Variants in HSP90B1 observed in about 807,000 individuals in gnomAD.
The protein encoded by HSP90B1 is endoplasmin.
HSP90B1 carries 27 observed loss-of-function variants against 100.4 expected under a neutral mutation model. The observed-to-expected ratio is 0.27, with a 90% CI of 0.20 to 0.37. HSP90B1 has a LOEUF of 0.37. HSP90B1 is among the 10% of genes least tolerant of loss of function. The pLI is 1.00. For synonymous variants in HSP90B1, 304 were observed against 330.8 expected (o/e 0.92, Z 0.88); for missense variants, 678 against 960.5 (o/e 0.71, Z 3.89).
intron 11 of HSP90B1, 74 bp from the exon 12 acceptor site, chr12:103,942,453 C>G: frequency 1.4e-6 from 2 of 1,399,446 alleles, no homozygotes; most frequent in East Asian, 4.6e-5. Flanking sequence ...TTTTCACACT[C>G]CTGCCTGGGT....
chr12:103,939,126 CAG>C (rs1286013938), intron 7 of HSP90B1, among the ~76,000 whole-genome samples: 3 of 148,054 alleles, frequency 2.0e-5, no homozygotes, highest in East Asian at 2.0e-4. Context: ...AATTTGGAGA[CAG>C]AGTCTCTGCC....
At chr12:103,934,592 A>G (rs1325504465) in intron 5 of HSP90B1, among the ~76,000 whole-genome samples, 2 of 152,194 alleles carry the variant, frequency 1.3e-5, no homozygotes, top group East Asian at 1.9e-4. Context: ...AGGTTAGAAG[A>G]GTAATTTGTC....
At chr12:103,947,282 A>G in intron 16 of HSP90B1, 29 bp from the exon 17 acceptor site, 1 of 1,557,698 alleles carries the variant, frequency 6.4e-7, no homozygotes, top group South Asian at 1.2e-5. Flanking sequence ...AATCCAAGGC[A>G]TTAATGGGCC....
rs772361512 is a variant in HSP90B1 at position 103,938,405 on chromosome 12, T to C, written c.921T>C (p.Asp307=). The part of the protein sequence containing the change: ...EAAKEEKEES[D]DEAAVEEEEE... The stretch of plus-strand genomic sequence containing the variant: ...CCAAAGAAGAGAAAGAAGAATCTGA[T>C]GATGAAGCTGCAGTAGAGGAAGAAG... Residue 307 remains aspartate, a synonymous_variant, in exon 7 of 18, where the codon GAT becomes GAC. Transcript: ENST00000299767. 1 of 1,592,240 alleles carries C rather than the reference T, an allele frequency of 6.3e-7. No homozygotes were observed. The highest frequency in any genetic ancestry group is 8.6e-7 in the Non-Finnish European group (1 of 1,163,502).
Position 103,941,688 on chromosome 12 carries a change from C to T in HSP90B1, c.1290C>T (p.Leu430=). 6.2e-7 allele frequency: 1 copy of T among 1,613,976 alleles called. No individual in the cohort carries two copies. Among genetic ancestry groups the T allele is most frequent in the Non-Finnish European group, 8.5e-7 (1 of 1,179,904 alleles). ...DDFHDMMPKY[L]NFVKGVVDSD... ...TCCATGATATGATGCCTAAATACCTCAATTTTGTCAAGGGTGTGGTAAGTA... is the reference window on the plus strand; with the variant it reads ...TCCATGATATGATGCCTAAATACCTTAATTTTGTCAAGGGTGTGGTAAGTA... Residue 430 remains leucine (L), a synonymous_variant, in exon 10 of 18, where the codon CTC becomes CTT. Transcript: ENST00000299767.
intron 1 of HSP90B1, 75 bp from the exon 2 acceptor site, chr12:103,931,446 C>G (rs900757629): frequency 7.7e-6 from 9 of 1,170,182 alleles, no homozygotes; most frequent in Non-Finnish European, 7.6e-6. Context: ...ATTTTGCAAC[C>G]CCTACCCTTC....
intron 14 of HSP90B1, among the ~76,000 whole-genome samples, chr12:103,945,236 C>A (rs2583262): frequency 6.6e-6 from 1 of 151,806 alleles, no homozygotes; most frequent in Non-Finnish European, 1.5e-5. Flanking sequence ...TCCAAGAGTT[C>A]GAGGCTGTAG....
At chr12:103,933,370 G>A (rs535230559) in intron 4 of HSP90B1, among the ~76,000 whole-genome samples, 95 of 152,316 alleles carry the variant, frequency 6.2e-4, no homozygotes, top group African/African-American at 2.0e-3. Flanking sequence ...GTGTGTAGCC[G>A]GTTGCCATGG....
Position 103,931,506 on chromosome 12 carries a change from G to A in HSP90B1, c.50-15G>A, listed in dbSNP as rs369759509. 146 of 1,595,262 alleles carry A rather than the reference G, an allele frequency of 9.2e-5. No individual in the cohort carries two copies. Among genetic ancestry groups the A allele is most frequent in the Non-Finnish European group, 4.6e-5 (53 of 1,163,508 alleles). On this transcript the variant is annotated splice_polypyrimidine_tract_variant and intron_variant, in intron 1 of 17. Transcript: ENST00000299767. ...AAGTGTGATGTTGAAGAGTTTGCCC[G>A]TGTTAAATCTTCAGGGTCGGTCAGA...
At chr12:103,933,838 T>C in intron 4 of HSP90B1, 118 bp from the exon 5 acceptor site, 2 of 718,974 alleles carry the variant, frequency 2.8e-6, no homozygotes, top group Non-Finnish European at 4.6e-6. Flanking sequence ...GAGGAAAATA[T>C]CTCAGTTTAG....
Position 103,930,648 on chromosome 12 carries a change from G to A in HSP90B1, c.49+84G>A. 1 of 1,346,750 alleles carries A rather than the reference G, an allele frequency of 7.4e-7. No homozygotes were observed. Among genetic ancestry groups the A allele is most frequent in the Non-Finnish European group, 1.0e-6 (1 of 974,796 alleles). 83.4% of individuals were successfully genotyped at this position (1,346,750 alleles called of 1,614,324 possible). On this transcript the variant is annotated intron_variant, in intron 1 of 17. Transcript: ENST00000299767. The surrounding 1 kb of genome is among the most constrained non-coding windows in gnomAD (Gnocchi z 4.4). ...GTCCTGGGGGCGTTGAACGTGGGAGGGGGGATCCCGGGGCCTGCGGTGGGC... is the reference window on the plus strand; with the variant it reads ...GTCCTGGGGGCGTTGAACGTGGGAGAGGGGATCCCGGGGCCTGCGGTGGGC...
chr12:103,934,080 C>A lies in HSP90B1; in HGVS notation c.536C>A (p.Thr179Asn). ...SGTSEFLNKM[T>N]EAQEDGQSTS... is the part of the protein sequence containing the mutation. ...ACAAGCGAGTTTTTAAACAAAATGA[C>A]TGAAGCACAGGAAGATGGCCAGTCA... is the stretch of plus-strand genomic sequence containing the variant. Residue 179 changes from threonine (T) to asparagine (N), a missense_variant, in exon 5 of 18, where the codon ACT becomes AAT. By Grantham distance (65) the Thr-to-Asn change is moderately conservative. Transcript: ENST00000299767. 6.2e-7 allele frequency: 1 copy of A among 1,614,204 alleles called. No homozygotes were observed. Among genetic ancestry groups the A allele is most frequent in the Non-Finnish European group, 8.5e-7 (1 of 1,180,030 alleles).
At chr12:103,932,963 C>A in intron 4 of HSP90B1, 21 bp downstream of exon 4, 1 of 1,222,024 alleles carries the variant, frequency 8.2e-7, no homozygotes, top group Non-Finnish European at 1.2e-6. Flanking sequence ...GGCAGTTTTT[C>A]TTTCTTTTAA....
intron 5 of HSP90B1, 121 bp from the exon 6 acceptor site, chr12:103,937,574 A>G (rs1869952798): frequency 1.5e-6 from 1 of 645,790 alleles, no homozygotes; most frequent in South Asian, 1.7e-5. Flanking sequence ...GAGAGTTAAC[A>G]TGAATAATTA....
Position 103,932,323 on chromosome 12 carries a change from A to G in HSP90B1, c.199A>G (p.Arg67Gly). ...GGATGGATTAAATGCATCACAAATA[A>G]GAGAACTTAGAGAGAAGTCGGAAAA... is the stretch of plus-strand genomic sequence containing the variant. ...QLDGLNASQI[R>G]ELREKSEKFA... The change falls in exon 3 of 18, where the codon AGA (arginine) becomes GGA (glycine). Residue 67 changes from arginine to glycine, a missense_variant. Physicochemically the swap from Arg to Gly is moderately radical, Grantham distance 125. This residue lies in a region of HSP90B1 where 88 missense variants were observed against 88.2 expected (regional missense o/e 1.00). Transcript: ENST00000299767. The G allele has an allele frequency of 6.2e-7, 1 of 1,613,136 alleles. No individual in the cohort carries two copies. The highest frequency in any genetic ancestry group is 8.5e-7 in the Non-Finnish European group (1 of 1,179,420).
At chr12:103,940,436 G>A (rs1215606815) in intron 8 of HSP90B1, among the ~76,000 whole-genome samples, 1 of 151,876 alleles carries the variant, frequency 6.6e-6, no homozygotes, top group Admixed American at 6.6e-5. Flanking sequence ...TTCCCCAGCA[G>A]CATTTAGTAC....
In HSP90B1 at chr12:103,939,607, C is replaced by G; in HGVS notation, c.1074C>G (p.Phe358Leu). Residue 358 changes from phenylalanine to leucine, a missense_variant, in exon 8 of 18, where the codon TTC becomes TTG. Phe to Leu is a conservative substitution (Grantham distance 22). Transcript: ENST00000299767. Reference sequence around the variant, plus strand: ...TAGAAGAAGATGAATACAAAGCTTTCTACAAATCATTTTCAAAGGTAAATA... The same window carrying G: ...TAGAAGAAGATGAATACAAAGCTTTGTACAAATCATTTTCAAAGGTAAATA... ...KEVEEDEYKA[F>L]YKSFSKESDD... 1 of 1,500,646 alleles carries G rather than the reference C, an allele frequency of 6.7e-7. No individual in the cohort carries two copies. The highest frequency in any genetic ancestry group is 9.1e-7 in the Non-Finnish European group (1 of 1,100,864). The allele number at this position is 1,500,646 out of a possible 1,614,324, so 93.0% of individuals were successfully genotyped here. A position where few individuals can be genotyped will look rare whatever the true frequency, so the allele number is the denominator to read the frequency against.
At chr12:103,934,327 G>A (rs774956815) in intron 5 of HSP90B1, 40 bp downstream of exon 5, 18 of 1,468,878 alleles carry the variant, frequency 1.2e-5, no homozygotes, top group African/African-American at 2.8e-5. Context: ...AATAGTCATG[G>A]TGAGGATCTT....
At chr12:103,932,657 G>A (rs943146863) in intron 3 of HSP90B1, among the ~76,000 whole-genome samples, 169 bp from the exon 4 acceptor site, 1 of 152,184 alleles carries the variant, frequency 6.6e-6, no homozygotes, top group Non-Finnish European at 1.5e-5. Flanking sequence ...GAGTCTAAGG[G>A]CAGTCACATA....
Sources: gnomAD v4.1 joint callset for allele counts (sites outside exome capture counted in the v4.1 genomes callset) on GRCh38, gnomAD v4.1.1 for gene constraint, gnomAD v4.1.1 regional missense constraint, Gnocchi (gnomAD v3.1) non-coding constraint, MANE v1.5 for transcripts, NCBI Gene and HGNC (gene_info 2026-07-23, HGNC 2026-07-21) for gene names.